The following CPED1 variants were observed in gnomAD, a reference collection of about 807,000 sequenced individuals.
CPED1 encodes cadherin-like and PC-esterase domain-containing protein 1.
CPED1 carries 114 observed loss-of-function variants against 128.2 expected under a neutral mutation model. The ratio of observed to expected loss-of-function variants is 0.89; its 90% CI spans 0.76 to 1.04. The LOEUF (loss-of-function observed/expected upper bound fraction) is 1.04, where lower values mean the gene tolerates loss of function less well. Ranked by LOEUF, CPED1 falls within the 50% of genes least tolerant of loss-of-function variation. The pLI is 0.00. For missense variants in CPED1, 1,211 were observed against 1,207.1 expected, an observed-to-expected ratio of 1.00 and a Z score of -0.05; for synonymous variants, 462 against 426.7, an observed-to-expected ratio of 1.08 and a Z score of -1.02.
Position 120,989,744 on chromosome 7 carries a change from C to G in CPED1, c.123C>G (p.Leu41=), listed in dbSNP as rs1252110317. ...QTLTLRGSRK[L]TAAAPGAVPH... ...TGACCCTCCGAGGGTCGAGGAAGCTCACAGCCGCTGCCCCTGGGGCTGTCC... is the reference window on the plus strand; with the variant it reads ...TGACCCTCCGAGGGTCGAGGAAGCTGACAGCCGCTGCCCCTGGGGCTGTCC... The change falls in exon 2 of 23, where the codon CTC becomes CTG. Residue 41 remains leucine, a synonymous_variant. Coordinates refer to ENST00000310396, the MANE Select transcript of CPED1 (RefSeq NM_024913.5). 6.2e-7 allele frequency: 1 copy of G among 1,613,902 alleles called. No individual in the cohort carries two copies. Among genetic ancestry groups the G allele is most frequent in the South Asian group, 1.1e-5 (1 of 91,048 alleles).
intron 7 of CPED1, among the ~76,000 whole-genome samples, chr7:121,104,712 T>C (rs1794928866): frequency 6.6e-6 from 1 of 152,140 alleles, no homozygotes; most frequent in South Asian, 2.1e-4. Context: ...TAAAGTTATA[T>C]GAAGATGATT....
At chr7:121,005,377 C>T (rs548580285) in intron 2 of CPED1, among the ~76,000 whole-genome samples, 1 of 152,164 alleles carries the variant, frequency 6.6e-6, no homozygotes, top group South Asian at 2.1e-4. Context: ...GTGAACAGTG[C>T]TGCAATAAAC....
chr7:121,035,855 A>T lies in CPED1; in HGVS notation c.434-11032A>T, dbSNP rs535989835. Among the ~76,000 whole-genome samples, 90 of 152,102 alleles carry T rather than the reference A, an allele frequency of 5.9e-4. No individual in the cohort carries two copies. The East Asian group carries it at 8.1e-3, about 14-fold the overall frequency. ...CTTAAAAAAATAATAATAATAAAAA[A>T]AAATAAATAAAAAGGAGGAAGAGCG... On this transcript the variant is annotated intron_variant, in intron 3 of 22. Coordinates refer to ENST00000310396, the MANE Select transcript of CPED1 (RefSeq NM_024913.5).
At chr7:121,085,830 A>G (rs1794413524) in intron 5 of CPED1, among the ~76,000 whole-genome samples, 1 of 152,120 alleles carries the variant, frequency 6.6e-6, no homozygotes, top group Non-Finnish European at 1.5e-5. Context: ...ATTTTCTACC[A>G]TTTCCTATTT....
intron 16 of CPED1, among the ~76,000 whole-genome samples, chr7:121,160,446 T>A (rs1796387247): frequency 6.6e-6 from 1 of 152,030 alleles, no homozygotes; most frequent in Non-Finnish European, 1.5e-5. Context: ...AGAGACTATG[T>A]CCCCCCAACC....
intron 16 of CPED1, among the ~76,000 whole-genome samples, chr7:121,150,398 C>T (rs1025743244): frequency 2.6e-5 from 4 of 151,890 alleles, no homozygotes; most frequent in South Asian, 4.2e-4. Context: ...TTTTTTATGG[C>T]TGTGTAGTAT....
intron 13 of CPED1, among the ~76,000 whole-genome samples, chr7:121,135,715 C>G (rs1437955527): frequency 2.6e-5 from 4 of 151,986 alleles, no homozygotes; most frequent in Non-Finnish European, 4.4e-5. Flanking sequence ...GGATGGCACT[C>G]TTACAATTCT....
At position 121,154,204 on chromosome 7, in the gene CPED1, T is replaced by C. The variant is rs114949112; in HGVS notation, c.2055+12063T>C. ...AAAATGTCAACTGACACTAATCATC[T>C]CCATATGAGGAGTTTAACTCTCCAG... On this transcript the variant is annotated intron_variant, in intron 16 of 22. Transcript: ENST00000310396. 9.6e-3 allele frequency among the ~76,000 whole-genome samples: 1,464 copies of C among 152,298 alleles called. 23 individuals carry two copies. Among genetic ancestry groups the C allele is most frequent in the African/African-American group, 0.033 (1,365 of 41,564 alleles).
intron 16 of CPED1, among the ~76,000 whole-genome samples, chr7:121,197,342 C>T (rs1240340237): frequency 2.0e-5 from 3 of 152,054 alleles, no homozygotes; most frequent in Admixed American, 6.6e-5. Flanking sequence ...AAAAAAATAA[C>T]AACAGTACCA....
At chr7:120,994,479 C>A (rs1796359809) in intron 2 of CPED1, among the ~76,000 whole-genome samples, 1 of 152,070 alleles carries the variant, frequency 6.6e-6, no homozygotes, top group Admixed American at 6.5e-5. Flanking sequence ...CTGACAATTA[C>A]AAGACTACTT....
chr7:121,271,573 T>C lies in CPED1; in HGVS notation c.2868+143T>C, dbSNP rs140742249. 7.3e-4 allele frequency: 596 copies of C among 819,186 alleles called. 5 individuals are homozygous for C. The African/African-American group carries it at 9.4e-3, about 13-fold the overall frequency. 50.7% of individuals were successfully genotyped at this position (819,186 alleles called of 1,614,324 possible). A position where few individuals can be genotyped will look rare whatever the true frequency, so the allele number is the denominator to read the frequency against. On this transcript the variant is annotated intron_variant, in intron 22 of 22. Coordinates refer to ENST00000310396, the MANE Select transcript of CPED1 (RefSeq NM_024913.5). ...ATTAAATGATATATGTTCATCATCA[T>C]TCAGCCAAGGCATGTAGTAACCACA...
At chr7:120,996,865 A>G (rs954250543) in intron 2 of CPED1, among the ~76,000 whole-genome samples, 1 of 152,208 alleles carries the variant, frequency 6.6e-6, no homozygotes, top group African/African-American at 2.4e-5. Context: ...GTCTGTGCAC[A>G]GGTCCCATTA....
intron 21 of CPED1, among the ~76,000 whole-genome samples, chr7:121,268,601 C>T (rs910495882): frequency 8.6e-5 from 13 of 151,980 alleles, no homozygotes; most frequent in African/African-American, 1.7e-4. Flanking sequence ...CGTCTTTCTC[C>T]GTAGACTTAT....
At chr7:121,187,718 G>A (rs767131028) in intron 16 of CPED1, among the ~76,000 whole-genome samples, 8 of 152,102 alleles carry the variant, frequency 5.3e-5, no homozygotes, top group Admixed American at 2.0e-4. Context: ...GAGTTGAGAA[G>A]CAAAACAAAG....
Position 121,033,776 on chromosome 7 carries a change from A to G in CPED1, c.434-13111A>G, listed in dbSNP as rs1792801901. 1.3e-5 allele frequency among the ~76,000 whole-genome samples: 2 copies of G among 152,216 alleles called. 1 individual carries two copies. Among genetic ancestry groups the G allele is most frequent in the South Asian group, 4.1e-4 (2 of 4,832 alleles). ...TCCTAAAATACTGTGGCATTAAGTA[A>G]TAAGCCATTGAGAGACAGTTGATTC... On this transcript the variant is annotated intron_variant, in intron 3 of 22. Coordinates refer to ENST00000310396, the MANE Select transcript of CPED1 (RefSeq NM_024913.5).
chr7:121,083,287 G>T (rs1355355259), intron 5 of CPED1, among the ~76,000 whole-genome samples: 2 of 152,196 alleles, frequency 1.3e-5, no homozygotes, highest in African/African-American at 4.8e-5. Flanking sequence ...TCAGATGTGG[G>T]TGTAGCCACC....
intron 5 of CPED1, among the ~76,000 whole-genome samples, chr7:121,091,186 T>A (rs76999040): frequency 6.9e-6 from 1 of 145,276 alleles, no homozygotes. Flanking sequence ...AAAAAAAAAA[T>A]TGCAGTAACT....
At chr7:121,237,279 A>G (rs1206228017) in intron 17 of CPED1, among the ~76,000 whole-genome samples, 2 of 152,184 alleles carry the variant, frequency 1.3e-5, no homozygotes, top group African/African-American at 4.8e-5. Flanking sequence ...ATACTAATTC[A>G]TTTGGCACCA....
chr7:121,099,485 A>G (rs968994823), intron 6 of CPED1, among the ~76,000 whole-genome samples: 4 of 152,096 alleles, frequency 2.6e-5, no homozygotes, highest in African/African-American at 7.2e-5. Flanking sequence ...CTCCTGCCTC[A>G]GCCTCCCAAG....
Sources: gnomAD v4.1 joint callset for allele counts (sites outside exome capture counted in the v4.1 genomes callset) on GRCh38, gnomAD v4.1.1 for gene constraint, MANE v1.5 for transcripts, NCBI Gene and HGNC (gene_info 2026-07-23, HGNC 2026-07-21) for gene names.